Variants in CHST1 observed in about 807,000 individuals in gnomAD.
CHST1 encodes carbohydrate sulfotransferase 1.
CHST1 carries 10 observed loss-of-function variants against 22.5 expected under a neutral mutation model. That is an observed-to-expected ratio of 0.44 (90% CI 0.27 to 0.75). The LOEUF is 0.75. Ranked by LOEUF, CHST1 falls within the 30% of genes least tolerant of loss-of-function variation. The pLI, the probability that CHST1 is intolerant of heterozygous loss-of-function variation, is 0.15. For missense variants in CHST1, 439 were observed against 576.1 expected (o/e 0.76, Z 2.44); for synonymous variants, 267 against 264.5 (o/e 1.01, Z -0.09).
chr11:45,659,700 C>T lies in CHST1; in HGVS notation c.-227+5478G>A, dbSNP rs115662664. On this transcript the variant is annotated intron_variant, in intron 1 of 3. Transcript: ENST00000308064. ...GTCCAAACACACTGTGCTCCCCACA[C>T]AGTGACTCTGGGTCTGGGCTAGCCA... Among the ~76,000 whole-genome samples the T allele has an allele frequency of 2.7e-3, 405 of 152,352 alleles. 2 individuals are homozygous for T. Among genetic ancestry groups the T allele is most frequent in the African/African-American group, 9.1e-3 (379 of 41,578 alleles).
Position 45,647,922 on chromosome 11 carries a change from G to C in CHST1, c.*1766C>G, listed in dbSNP as rs1851937909. On this transcript the variant is annotated 3_prime_UTR_variant, in exon 4 of 4. Coordinates refer to ENST00000308064, the MANE Select transcript of CHST1 (RefSeq NM_003654.6). ...GTTTCCTCAGGAAGCCCTTCTTCCA[G>C]TTGGCTAGGACCCCTGGGGCTGCCT... Among the ~76,000 whole-genome samples, 1 of 152,176 alleles carries C rather than the reference G, an allele frequency of 6.6e-6. No individual in the cohort carries two copies. The highest frequency in any genetic ancestry group is 1.5e-5 in the Non-Finnish European group (1 of 68,024).
At chr11:45,664,672 A>G (rs1052972786) in intron 1 of CHST1, among the ~76,000 whole-genome samples, 8 of 152,200 alleles carry the variant, frequency 5.3e-5, no homozygotes, top group Non-Finnish European at 2.9e-5. Context: ...CCGGCCCCAC[A>G]GGGGCCCAGC....
intron 1 of CHST1, among the ~76,000 whole-genome samples, chr11:45,662,614 G>A (rs1852149020): frequency 6.6e-6 from 1 of 152,174 alleles, no homozygotes; most frequent in Non-Finnish European, 1.5e-5. Flanking sequence ...TTAATTCCTA[G>A]GAATGATGCT....
At chr11:45,662,270 T>TCCCTTC (rs1170336734) in intron 1 of CHST1, among the ~76,000 whole-genome samples, 1 of 152,024 alleles carries the variant, frequency 6.6e-6, no homozygotes, top group African/African-American at 2.4e-5. Context: ...CCTCAACCCC[T>TCCCTTC]AGGGGCTCCA....
At chr11:45,663,382 G>T (rs571528636) in intron 1 of CHST1, among the ~76,000 whole-genome samples, 2 of 152,312 alleles carry the variant, frequency 1.3e-5, no homozygotes, top group Admixed American at 1.3e-4. Context: ...TGGTCAGGGG[G>T]ATACATCCCT....
chr11:45,651,818 A>T (rs978093124), intron 3 of CHST1, 175 bp downstream of exon 3: 1 of 152,128 alleles, frequency 6.6e-6, no homozygotes, highest in African/African-American at 2.4e-5. Context: ...CAGAAGGGGG[A>T]CTGGGGAGGG....
At chr11:45,661,682 G>A (rs1852135533) in intron 1 of CHST1, among the ~76,000 whole-genome samples, 1 of 152,254 alleles carries the variant, frequency 6.6e-6, no homozygotes, top group South Asian at 2.1e-4. Context: ...CTAAAGAGCA[G>A]GCTTTGCAGC....
At chr11:45,661,650 T>C (rs1215727794) in intron 1 of CHST1, among the ~76,000 whole-genome samples, 1 of 152,210 alleles carries the variant, frequency 6.6e-6, no homozygotes, top group Admixed American at 6.5e-5. Flanking sequence ...TTTTCCCATC[T>C]GTGAAAGAGA....
At chr11:45,659,959 G>A (rs1852109064) in intron 1 of CHST1, among the ~76,000 whole-genome samples, 1 of 152,164 alleles carries the variant, frequency 6.6e-6, no homozygotes, top group Non-Finnish European at 1.5e-5. Context: ...TGCCAGTGAG[G>A]CTCACCCTGT....
intron 1 of CHST1, among the ~76,000 whole-genome samples, chr11:45,653,163 A>C (rs538316802): frequency 6.6e-6 from 1 of 151,818 alleles, no homozygotes; most frequent in Admixed American, 6.6e-5. Context: ...GGGTGAGTGG[A>C]TCCTCTTTTC....
rs1410660787 is a variant in CHST1 at position 45,649,345 on chromosome 11, G to A, written c.*343C>T. 1 of 298,250 alleles carries A rather than the reference G, an allele frequency of 3.4e-6. No individual in the cohort carries two copies. The highest frequency in any genetic ancestry group is 6.2e-6 in the Non-Finnish European group (1 of 161,236). The allele number at this position is 298,250 out of a possible 1,614,324, so 18.5% of individuals were successfully genotyped here. A position where few individuals can be genotyped will look rare whatever the true frequency, so the allele number is the denominator to read the frequency against. On this transcript the variant is annotated 3_prime_UTR_variant, in exon 4 of 4. Transcript: ENST00000308064. ...CGACCACTCACCCATTCAAAAGCTT[G>A]AGAAGTCGCCTCGCGAGTGCCCGTG... is the stretch of plus-strand genomic sequence containing the variant.
chr11:45,650,436 C>A lies in CHST1; in HGVS notation c.488G>T (p.Arg163Leu). The A allele has an allele frequency of 6.2e-7, 1 of 1,610,384 alleles. No homozygotes were observed. Among genetic ancestry groups the A allele is most frequent in the Non-Finnish European group, 8.5e-7 (1 of 1,179,842 alleles). ...TGGCCCCGGAGGGTCGCACACAGGC[C>A]GGGAGCAGAGGACCCGGCTGGCCCC... Reference protein sequence around the residue: ...RRGASRVLCSRPVCDPPGPAD... With the variant: ...RRGASRVLCSLPVCDPPGPAD... Residue 163 changes from arginine to leucine, a missense_variant, in exon 4 of 4, where the codon CGG (arginine) becomes CTG (leucine). Coordinates refer to ENST00000308064, the MANE Select transcript of CHST1 (RefSeq NM_003654.6).
At chr11:45,654,242 G>GA (rs769740167) in intron 1 of CHST1, among the ~76,000 whole-genome samples, 10 of 152,328 alleles carry the variant, frequency 6.6e-5, no homozygotes, top group Non-Finnish European at 1.2e-4. Flanking sequence ...GCCAGGACTG[G>GA]AAGCTGCTGC....
In CHST1 at chr11:45,648,200, T is replaced by C. The variant is rs1183788905; in HGVS notation, c.*1488A>G. Among the ~76,000 whole-genome samples the C allele has an allele frequency of 6.6e-6, 1 of 152,136 alleles. No individual in the cohort carries two copies. The highest frequency in any genetic ancestry group is 1.5e-5 in the Non-Finnish European group (1 of 68,010). On this transcript the variant is annotated 3_prime_UTR_variant, in exon 4 of 4. Transcript: ENST00000308064. ...CACTGCCCTGAGGCACCCCACCCCT[T>C]GAAGTTTCCCCCTCCCTGGCTATCC...
At chr11:45,654,737 G>C (rs1057038769) in intron 1 of CHST1, among the ~76,000 whole-genome samples, 1 of 152,202 alleles carries the variant, frequency 6.6e-6, no homozygotes, top group Admixed American at 6.5e-5. Flanking sequence ...AGGAGACCAC[G>C]ATCTATCATT....
chr11:45,660,669 G>T (rs1214402366), intron 1 of CHST1, among the ~76,000 whole-genome samples: 3 of 152,200 alleles, frequency 2.0e-5, no homozygotes, highest in African/African-American at 7.2e-5. Context: ...TCTGCAGCAG[G>T]CTCGTCTGTC....
At chr11:45,664,105 G>A (rs989838714) in intron 1 of CHST1, among the ~76,000 whole-genome samples, 1 of 152,134 alleles carries the variant, frequency 6.6e-6, no homozygotes, top group African/African-American at 2.4e-5. Context: ...TGCCTCTGAC[G>A]TCCCTGTGCT....
chr11:45,664,170 C>T (rs981730787), intron 1 of CHST1, among the ~76,000 whole-genome samples: 2 of 152,156 alleles, frequency 1.3e-5, no homozygotes, highest in African/African-American at 4.8e-5. Flanking sequence ...CCAAGCCTGC[C>T]CCCAGCTCCT....
chr11:45,664,874 G>A (rs1170519815), intron 1 of CHST1, among the ~76,000 whole-genome samples: 1 of 152,186 alleles, frequency 6.6e-6, no homozygotes, highest in Non-Finnish European at 1.5e-5. Context: ...GCCCCTGAGT[G>A]CGCTCCGCAG....
Sources: allele counts gnomAD v4.1 joint callset (sites outside exome capture counted in the v4.1 genomes callset), GRCh38; gene constraint gnomAD v4.1.1; transcripts MANE v1.5; gene names NCBI Gene and HGNC (gene_info 2026-07-23, HGNC 2026-07-21).